The following CTSH variants were observed in gnomAD, a reference collection of about 807,000 sequenced individuals.
CTSH encodes cathepsin H, also known as pro-cathepsin H.
Under a neutral mutation model 56.3 loss-of-function variants are expected in CTSH, and 52 were observed. The ratio of observed to expected loss-of-function variants is 0.92; its 90% CI spans 0.74 to 1.16. CTSH has a LOEUF of 1.16. Among genes scored for constraint, CTSH ranks in the 50% most tolerant of loss-of-function variants. The pLI is 0.00. For synonymous variants in CTSH, 174 were observed against 155.7 expected, an observed-to-expected ratio of 1.12 and a Z score of -0.88; for missense variants, 406 against 424.5, an observed-to-expected ratio of 0.96 and a Z score of 0.38.
rs111434270 is a variant in CTSH at position 78,931,412 on chromosome 15, A to G, written c.548+39T>C. 1.1e-3 allele frequency: 1,724 copies of G among 1,613,668 alleles called. 10 individuals carry two copies. The highest frequency in any genetic ancestry group is 0.01 in the African/African-American group (751 of 75,036). On this transcript the variant is annotated intron_variant, in intron 7 of 11. Coordinates refer to ENST00000220166, the MANE Select transcript of CTSH (RefSeq NM_004390.5). ...GATCCTGTCGAAGCGGTCAGTGGGA[A>G]ATGAGGAAGTTTTGGGCCCCTTCTG...
chr15:78,933,863 G>C (rs984322077), intron 5 of CTSH, among the ~76,000 whole-genome samples: 1 of 152,234 alleles, frequency 6.6e-6, no homozygotes, highest in Non-Finnish European at 1.5e-5. Flanking sequence ...GCCACAGTAA[G>C]AGACGGCACA....
chr15:78,939,429 G>A (rs914733089), intron 1 of CTSH, among the ~76,000 whole-genome samples: 2 of 152,166 alleles, frequency 1.3e-5, no homozygotes, highest in African/African-American at 2.4e-5. Context: ...CTACTGGGTC[G>A]GGGTGCAGAA....
intron 2 of CTSH, 92 bp from the exon 3 acceptor site, chr15:78,937,515 G>GTTTTCTTT: frequency 1.5e-6 from 2 of 1,377,098 alleles, no homozygotes; most frequent in Non-Finnish European, 2.0e-6. Context: ...AAAGATGAAG[G>GTTTTCTTT]TTTTCTTTCT....
intron 2 of CTSH, 141 bp from the exon 3 acceptor site, chr15:78,937,564 G>A (rs1596287304): frequency 7.5e-7 from 1 of 1,333,912 alleles, no homozygotes; most frequent in East Asian, 2.6e-5. Context: ...AATGGGCGGG[G>A]TACTGCTGAG....
At position 78,921,968 on chromosome 15, in the gene CTSH, C is replaced by T; in HGVS notation, c.*162G>A. 1 of 635,760 alleles carries T rather than the reference C, an allele frequency of 1.6e-6. No individual in the cohort carries two copies. The highest frequency in any genetic ancestry group is 2.7e-5 in the Admixed American group (1 of 36,818). 39.4% of individuals were successfully genotyped at this position (635,760 alleles called of 1,614,324 possible). A position where few individuals can be genotyped will look rare whatever the true frequency, so the allele number is the denominator to read the frequency against. On this transcript the variant is annotated 3_prime_UTR_variant, in exon 12 of 12. Transcript: ENST00000220166. Reference sequence around the variant, plus strand: ...ACACGGGTGAGCTCATGGTGGAACTCCTCCTTGTCTGTAGGTTTCCAGGCT... The same window carrying T: ...ACACGGGTGAGCTCATGGTGGAACTTCTCCTTGTCTGTAGGTTTCCAGGCT...
rs761656566 is a variant in CTSH, at chr15:78,927,708, C to T, written c.699+5G>A. 2 of 1,613,800 alleles carry T rather than the reference C, an allele frequency of 1.2e-6. No individual in the cohort carries two copies. The highest frequency in any genetic ancestry group is 2.7e-5 in the African/African-American group (2 of 74,936). Reference sequence around the variant, plus strand: ...TCCCCATCCCAGAGGGGGATCGGCACTCACGATTGTGATGTTGGCTACATC... The same window carrying T: ...TCCCCATCCCAGAGGGGGATCGGCATTCACGATTGTGATGTTGGCTACATC... On this transcript the variant is annotated splice_donor_5th_base_variant and intron_variant, in intron 9 of 11. Coordinates refer to ENST00000220166, the MANE Select transcript of CTSH (RefSeq NM_004390.5).
chr15:78,941,236 C>A (rs1425290768), intron 1 of CTSH, among the ~76,000 whole-genome samples: 2 of 150,204 alleles, frequency 1.3e-5, no homozygotes, highest in African/African-American at 4.9e-5. Flanking sequence ...ACCAGCCTGG[C>A]CAACATGGTG....
chr15:78,943,975 C>T (rs1227882580), intron 1 of CTSH, among the ~76,000 whole-genome samples: 1 of 152,206 alleles, frequency 6.6e-6, no homozygotes, highest in African/African-American at 2.4e-5. Flanking sequence ...ATGAGGCAAC[C>T]CTCTGGCCCA....
At chr15:78,944,587 G>T (rs534417736) in intron 1 of CTSH, 38 of 315,878 alleles carry the variant, frequency 1.2e-4, no homozygotes, top group Non-Finnish European at 1.9e-4. Context: ...TGTGTCCCCA[G>T]TTGAGGAAGG....
At chr15:78,938,459 T>C (rs893454091) in intron 2 of CTSH, among the ~76,000 whole-genome samples, 4 of 152,222 alleles carry the variant, frequency 2.6e-5, no homozygotes, top group Admixed American at 2.0e-4. Flanking sequence ...ACCATTCTAC[T>C]GTCTTTCTTC....
chr15:78,937,766 A>G, intron 2 of CTSH: 1 of 1,313,856 alleles, frequency 7.6e-7, no homozygotes, highest in South Asian at 1.2e-5. Flanking sequence ...TTTCAAAAGC[A>G]CATGCACTGG....
At chr15:78,925,696 C>T in intron 9 of CTSH, 1 of 399,204 alleles carries the variant, frequency 2.5e-6, no homozygotes, top group Non-Finnish European at 4.8e-6. Flanking sequence ...CGTGGACCTA[C>T]TCATTCAGTC....
At chr15:78,938,024 C>T (rs1268847187) in intron 2 of CTSH, among the ~76,000 whole-genome samples, 1 of 152,072 alleles carries the variant, frequency 6.6e-6, no homozygotes. Flanking sequence ...ATAATGATTG[C>T]TTACTACAGT....
At chr15:78,926,988 GCGCA>G (rs1218991709) in intron 9 of CTSH, 4 of 152,226 alleles carry the variant, frequency 2.6e-5, no homozygotes, top group Admixed American at 6.5e-5. Flanking sequence ...ACATTCGTGG[GCGCA>G]CACACAACCT....
Position 78,938,997 on chromosome 15 carries a change from T to C in CTSH, c.123+143A>G, listed in dbSNP as rs964366178. On this transcript the variant is annotated intron_variant, in intron 2 of 11. Coordinates refer to ENST00000220166, the MANE Select transcript of CTSH (RefSeq NM_004390.5). ...ACTTAACTGCATCTTTCCCAGTGTT[T>C]GGCCAGTTCAACTTCTGGAAAGACC... 14 of 734,470 alleles carry C rather than the reference T, an allele frequency of 1.9e-5. No homozygotes were observed. In the African/African-American group the frequency reaches 2.3e-4, roughly 12 times the overall value. The allele number at this position is 734,470 out of a possible 1,614,324, so 45.5% of individuals were successfully genotyped here. A position where few individuals can be genotyped will look rare whatever the true frequency, so the allele number is the denominator to read the frequency against.
At chr15:78,926,505 C>T (rs1321285441) in intron 9 of CTSH, 1 of 152,264 alleles carries the variant, frequency 6.6e-6, no homozygotes, top group African/African-American at 2.4e-5. Context: ...CTGCAGGTGT[C>T]ACCAATGAGG....
chr15:78,922,861 C>G, intron 11 of CTSH, 132 bp downstream of exon 11: 1 of 1,106,428 alleles, frequency 9.0e-7, no homozygotes, highest in East Asian at 2.6e-5. Flanking sequence ...CCCTTTCCCC[C>G]TGGCCTGGCC....
chr15:78,932,102 C>T (rs893854722), intron 6 of CTSH: 1 of 1,262,252 alleles, frequency 7.9e-7, no homozygotes, highest in Non-Finnish European at 1.0e-6. Flanking sequence ...TTCTGAACCC[C>T]TCCGCCGGGA....
At chr15:78,937,678 G>A in intron 2 of CTSH, 2 of 1,385,284 alleles carry the variant, frequency 1.4e-6, no homozygotes, top group Non-Finnish European at 1.9e-6. Context: ...AGGCACTGGT[G>A]AACAAACCTG....
Sources: gnomAD v4.1 joint callset for allele counts (sites outside exome capture counted in the v4.1 genomes callset) on GRCh38, gnomAD v4.1.1 for gene constraint, MANE v1.5 for transcripts, NCBI Gene and HGNC (gene_info 2026-07-23, HGNC 2026-07-21) for gene names.